The following GPC6 variants were observed in gnomAD, a reference collection of about 807,000 sequenced individuals.
GPC6 encodes the protein glypican-6.
Under a neutral mutation model 55.2 loss-of-function variants are expected in GPC6, and 14 were observed. The observed-to-expected ratio is 0.25, with a 90% CI of 0.17 to 0.40. The LOEUF is 0.40. Ranked by LOEUF, GPC6 falls within the 10% of genes least tolerant of loss-of-function variation. The pLI, the probability that GPC6 is intolerant of heterozygous loss-of-function variation, is 1.00. For synonymous variants in GPC6, 278 were observed against 259.6 expected (o/e 1.07, Z -0.68); for missense variants, 641 against 708.5 (o/e 0.90, Z 1.08).
At chr13:93,754,870 A>G (rs1487439144) in intron 2 of GPC6, among the ~76,000 whole-genome samples, 1 of 152,164 alleles carries the variant, frequency 6.6e-6, no homozygotes, top group African/African-American at 2.4e-5. Flanking sequence ...CTGAGCATGA[A>G]TCTAGCACAG....
In GPC6 at chr13:93,622,739, T is replaced by C. The variant is rs140807500; in HGVS notation, c.319+77318T>C. 2.7e-3 allele frequency among the ~76,000 whole-genome samples: 418 copies of C among 152,314 alleles called. 2 individuals are homozygous for C. The highest frequency in any genetic ancestry group is 9.8e-3 in the African/African-American group (407 of 41,578). On this transcript the variant is annotated intron_variant, in intron 2 of 8. Transcript: ENST00000377047. ...GGTAATTACATTATTACCTCAAAGA[T>C]ATCATTTATTTGAGGTGAGAACATT...
intron 2 of GPC6, among the ~76,000 whole-genome samples, chr13:93,756,569 T>G (rs1440952528): frequency 6.6e-6 from 1 of 152,182 alleles, no homozygotes; most frequent in Non-Finnish European, 1.5e-5. Context: ...TGGGGTGTTA[T>G]GTTTGTTCTG....
At chr13:93,486,069 G>A (rs753903584) in intron 1 of GPC6, among the ~76,000 whole-genome samples, 2 of 152,162 alleles carry the variant, frequency 1.3e-5, no homozygotes, top group Non-Finnish European at 2.9e-5. Context: ...CAAGAAAATT[G>A]TTGCATGAAT....
chr13:93,520,062 A>G (rs1311672354), intron 1 of GPC6, among the ~76,000 whole-genome samples: 1 of 152,020 alleles, frequency 6.6e-6, no homozygotes, highest in Non-Finnish European at 1.5e-5. Context: ...AAACTTCAGC[A>G]TATAAACTTG....
intron 4 of GPC6, among the ~76,000 whole-genome samples, chr13:94,168,622 A>G (rs1453705665): frequency 2.0e-5 from 3 of 149,426 alleles, no homozygotes; most frequent in African/African-American, 7.3e-5. Flanking sequence ...AAAAGTATAT[A>G]TATTTATTAT....
chr13:94,362,883 CTT>C (rs1484243830), intron 6 of GPC6, among the ~76,000 whole-genome samples: 1 of 152,066 alleles, frequency 6.6e-6, no homozygotes, highest in African/African-American at 2.4e-5. Flanking sequence ...TCAACAAAAA[CTT>C]TATTTTACTT....
chr13:93,402,146 T>A (rs1158339769), intron 1 of GPC6, among the ~76,000 whole-genome samples: 2 of 152,102 alleles, frequency 1.3e-5, no homozygotes, highest in African/African-American at 4.8e-5. Context: ...TTCTAGGGGA[T>A]TTTTTAACAA....
chr13:93,468,799 A>G (rs1879005811), intron 1 of GPC6, among the ~76,000 whole-genome samples: 1 of 152,220 alleles, frequency 6.6e-6, no homozygotes, highest in Admixed American at 6.5e-5. Context: ...GGCAGTTTCA[A>G]TAGGTTAAAC....
At chr13:94,085,309 G>C (rs1301784588) in intron 4 of GPC6, among the ~76,000 whole-genome samples, 1 of 106,008 alleles carries the variant, frequency 9.4e-6, no homozygotes, top group African/African-American at 3.7e-5. Flanking sequence ...GTGACAGAGC[G>C]AGATTCTGTC....
intron 3 of GPC6, among the ~76,000 whole-genome samples, chr13:94,022,788 G>T (rs1210922587): frequency 6.6e-6 from 1 of 151,998 alleles, no homozygotes; most frequent in Non-Finnish European, 1.5e-5. Context: ...GTGTGAGATG[G>T]CATCTCATAG....
At position 93,932,909 on chromosome 13, in the gene GPC6, A is replaced by G. The variant is rs1168574953; in HGVS notation, c.712-94820A>G. Among the ~76,000 whole-genome samples, 4 of 151,906 alleles carry G rather than the reference A, an allele frequency of 2.6e-5. No individual in the cohort carries two copies. The East Asian group carries it at 7.7e-4, about 29-fold the overall frequency. ...TTCTTTGAGTTTAGGTCTGAAGTCC[A>G]AAATGAGTCTTATTGGGCTAAAGTC... On this transcript the variant is annotated intron_variant, in intron 3 of 8. Coordinates refer to ENST00000377047, the MANE Select transcript of GPC6 (RefSeq NM_005708.5).
chr13:94,318,023 T>TAAA (rs781563841), intron 6 of GPC6, among the ~76,000 whole-genome samples: 2 of 152,236 alleles, frequency 1.3e-5, no homozygotes, highest in Non-Finnish European at 2.9e-5. Flanking sequence ...CACTACTTTT[T>TAAA]AAAATTCAGG....
At position 93,285,634 on chromosome 13, in the gene GPC6, G is replaced by GTGTGTGTA. The variant is rs1555287684; in HGVS notation, c.160+58025_160+58026insATGTGTGT. Among the ~76,000 whole-genome samples, 354 of 147,020 alleles carry GTGTGTGTA rather than the reference G, an allele frequency of 2.4e-3. 1 individual carries two copies. The highest frequency in any genetic ancestry group is 0.01 in the East Asian group (49 of 4,874). On this transcript the variant is annotated intron_variant, in intron 1 of 8. Coordinates refer to ENST00000377047, the MANE Select transcript of GPC6 (RefSeq NM_005708.5). ...TATACTGCTGTGTGTGTGTGTGTGT[G>GTGTGTGTA]TGTGTGTGTGTGTGTGTGTGTGTGT... is the stretch of plus-strand genomic sequence containing the variant.
rs572046474 is a variant in GPC6, at chr13:93,795,960, G to T, written c.320-34194G>T. ...TGTGGTGGCACACGCCTGTAGTCCA[G>T]GTCACTTGAGACCAGGAGTTCAAGA... is the stretch of plus-strand genomic sequence containing the variant. On this transcript the variant is annotated intron_variant, in intron 2 of 8. Coordinates refer to ENST00000377047, the MANE Select transcript of GPC6 (RefSeq NM_005708.5). 1.6e-3 allele frequency among the ~76,000 whole-genome samples: 243 copies of T among 152,054 alleles called. 1 individual carries two copies. The highest frequency in any genetic ancestry group is 5.1e-3 in the African/African-American group (211 of 41,452).
At chr13:93,246,668 G>A (rs1467320163) in intron 1 of GPC6, among the ~76,000 whole-genome samples, 1 of 151,346 alleles carries the variant, frequency 6.6e-6, no homozygotes, top group African/African-American at 2.4e-5. Flanking sequence ...TGTGGTGGTG[G>A]GCACCTGTAT....
intron 4 of GPC6, among the ~76,000 whole-genome samples, chr13:94,276,869 T>C (rs1892229463): frequency 6.6e-6 from 1 of 152,242 alleles, no homozygotes; most frequent in Admixed American, 6.5e-5. Context: ...TTCCATGTCT[T>C]TGCTATTGTA....
intron 2 of GPC6, among the ~76,000 whole-genome samples, chr13:93,569,866 T>C (rs1193681812): frequency 6.6e-6 from 1 of 152,148 alleles, no homozygotes; most frequent in Non-Finnish European, 1.5e-5. Context: ...TAAATTAAGA[T>C]ATCTTGTGTA....
intron 2 of GPC6, among the ~76,000 whole-genome samples, chr13:93,768,552 A>C (rs2138888394): frequency 6.6e-6 from 1 of 152,304 alleles, no homozygotes; most frequent in South Asian, 2.1e-4. Flanking sequence ...AAATGGACAG[A>C]GAAATGAATG....
At chr13:93,512,122 C>T (rs541296374) in intron 1 of GPC6, among the ~76,000 whole-genome samples, 17 of 152,172 alleles carry the variant, frequency 1.1e-4, no homozygotes, top group Non-Finnish European at 2.5e-4. Flanking sequence ...GTCATATCAT[C>T]AGCAAAAATG....
Sources: allele counts gnomAD v4.1 joint callset (sites outside exome capture counted in the v4.1 genomes callset), GRCh38; gene constraint gnomAD v4.1.1; transcripts MANE v1.5; gene names NCBI Gene and HGNC (gene_info 2026-07-23, HGNC 2026-07-21).